The following CREB5 variants were observed in gnomAD, a reference collection of about 807,000 sequenced individuals.
CREB5 encodes cyclic AMP-responsive element-binding protein 5.
Under a neutral mutation model 57.1 loss-of-function variants are expected in CREB5, and 19 were observed. That is an observed-to-expected ratio of 0.33 (90% confidence interval 0.23 to 0.49). The LOEUF (loss-of-function observed/expected upper bound fraction) is 0.49. CREB5 is among the 20% of genes least tolerant of loss of function. The pLI, the probability that CREB5 is intolerant of heterozygous loss-of-function variation, is 0.99. For missense variants in CREB5, 579 were observed against 671.6 expected (o/e 0.86, Z 1.52); for synonymous variants, 238 against 238.3 (o/e 1.00, Z 0.01).
intron 1 of CREB5, among the ~76,000 whole-genome samples, chr7:28,458,480 C>T (rs984109318): frequency 3.3e-5 from 5 of 150,382 alleles, no homozygotes; most frequent in Non-Finnish European, 7.5e-5. Context: ...TAAGAAAAGG[C>T]CTTTTACTAT....
chr7:28,754,471 G>T (rs778350901), intron 7 of CREB5, among the ~76,000 whole-genome samples: 6 of 152,140 alleles, frequency 3.9e-5, no homozygotes, highest in African/African-American at 1.4e-4. Context: ...GGTACCTTCC[G>T]TTTCCTACTG....
chr7:28,405,073 T>C (rs187210829), intron 1 of CREB5, among the ~76,000 whole-genome samples: 3 of 152,366 alleles, frequency 2.0e-5, no homozygotes, highest in Admixed American at 6.5e-5. Flanking sequence ...GCTTGGTAAA[T>C]GTTAGTTAAC....
At chr7:28,771,789 T>C (rs903014306) in intron 7 of CREB5, among the ~76,000 whole-genome samples, 1 of 2,676 alleles carries the variant, frequency 3.7e-4, no homozygotes, top group African/African-American at 1.7e-3. Flanking sequence ...TAGTTCCCCG[T>C]GGGTGGGTGG....
chr7:28,772,524 G>A (rs566187153), intron 7 of CREB5, among the ~76,000 whole-genome samples: 1 of 152,322 alleles, frequency 6.6e-6, no homozygotes, highest in African/African-American at 2.4e-5. Flanking sequence ...ACTGGGTAGT[G>A]CAGGCATGAA....
intron 7 of CREB5, among the ~76,000 whole-genome samples, chr7:28,779,851 C>CT (rs893815753): frequency 6.6e-6 from 1 of 152,168 alleles, no homozygotes; most frequent in African/African-American, 2.4e-5. Flanking sequence ...TCTTTCTTCT[C>CT]TGACACCCAC....
chr7:28,709,179 G>A (rs1408492945), intron 5 of CREB5, among the ~76,000 whole-genome samples: 1 of 152,158 alleles, frequency 6.6e-6, no homozygotes, highest in East Asian at 1.9e-4. Flanking sequence ...GAACTGGGAA[G>A]TTATTGGCTG....
rs142640327 is a variant in CREB5, at chr7:28,494,769, C to T, written c.76-137C>T. The T allele has an allele frequency of 2.6e-4, 155 of 605,462 alleles. No individual in the cohort carries two copies. The East Asian group carries it at 3.0e-3, about 12-fold the overall frequency. The allele number at this position is 605,462 out of a possible 1,614,324, so 37.5% of individuals were successfully genotyped here. On this transcript the variant is annotated intron_variant, in intron 2 of 10. Coordinates refer to ENST00000357727, the MANE Select transcript of CREB5 (RefSeq NM_182898.4). ...ACTTACTCATGCTTTCACACTTTTTCGAAATGTTTTTTTTTTTTTGTTTTG... is the reference window on the plus strand; with the variant it reads ...ACTTACTCATGCTTTCACACTTTTTTGAAATGTTTTTTTTTTTTTGTTTTG...
chr7:28,815,467 G>A lies in CREB5; in HGVS notation c.1255-2604G>A, dbSNP rs115106879. On this transcript the variant is annotated intron_variant, in intron 9 of 10. Transcript: ENST00000357727. The stretch of plus-strand genomic sequence containing the variant: ...TGTTCATAGACTAAATGCCACCAAA[G>A]TCATATACTTTGTATGGGGTTTTGG... Among the ~76,000 whole-genome samples, 586 of 152,286 alleles carry A rather than the reference G, an allele frequency of 3.8e-3. 2 individuals are homozygous for A. The highest frequency in any genetic ancestry group is 0.013 in the African/African-American group (550 of 41,560).
intron 5 of CREB5, among the ~76,000 whole-genome samples, chr7:28,620,190 G>T (rs147689365): frequency 2.8e-4 from 42 of 152,232 alleles, no homozygotes; most frequent in Middle Eastern, 3.4e-3. Context: ...GAAAAACTCA[G>T]AACAAACCAA....
intron 5 of CREB5, among the ~76,000 whole-genome samples, chr7:28,669,756 C>T (rs757335226): frequency 5.3e-5 from 8 of 152,146 alleles, no homozygotes; most frequent in Middle Eastern, 3.2e-3. Context: ...ACTGTTTTAC[C>T]GTAAGCTCTG....
At chr7:28,311,868 T>A (rs1341287287) in intron 1 of CREB5, among the ~76,000 whole-genome samples, 1 of 152,196 alleles carries the variant, frequency 6.6e-6, no homozygotes, top group Admixed American at 6.5e-5. Context: ...CTCTGCCGTC[T>A]GCACTCCTCC....
intron 7 of CREB5, among the ~76,000 whole-genome samples, chr7:28,800,880 T>C (rs1363308690): frequency 2.0e-5 from 3 of 152,232 alleles, no homozygotes; most frequent in Non-Finnish European, 4.4e-5. Flanking sequence ...CATTTCTCTC[T>C]TTGGCAAAGT....
chr7:28,531,936 G>A lies in CREB5; in HGVS notation c.291+24199G>A, dbSNP rs149872928. On this transcript the variant is annotated intron_variant, in intron 4 of 10. Coordinates refer to ENST00000357727, the MANE Select transcript of CREB5 (RefSeq NM_182898.4). The stretch of plus-strand genomic sequence containing the variant: ...CCCAGCTACTCGGGAGGCTGAGGTA[G>A]GAGAATCGTTTGAACCCAGGAGGCG... 4.8e-3 allele frequency among the ~76,000 whole-genome samples: 727 copies of A among 152,336 alleles called. 1 individual carries two copies. Among genetic ancestry groups the A allele is most frequent in the Non-Finnish European group, 8.1e-3 (552 of 68,022 alleles).
At chr7:28,316,709 C>T (rs1190368569) in intron 1 of CREB5, among the ~76,000 whole-genome samples, 1 of 152,028 alleles carries the variant, frequency 6.6e-6, no homozygotes, top group East Asian at 1.9e-4. Context: ...GAGTTACATC[C>T]TATTTTCTAG....
At chr7:28,763,711 C>G (rs1805789726) in intron 7 of CREB5, among the ~76,000 whole-genome samples, 1 of 152,052 alleles carries the variant, frequency 6.6e-6, no homozygotes, top group Non-Finnish European at 1.5e-5. Flanking sequence ...TGATTTATAA[C>G]AGATATTTTT....
At chr7:28,485,573 C>A (rs1215254751) in intron 1 of CREB5, among the ~76,000 whole-genome samples, 1 of 152,034 alleles carries the variant, frequency 6.6e-6, no homozygotes, top group Admixed American at 6.6e-5. Flanking sequence ...ATCTACCAGG[C>A]CCCATAGCCA....
intron 3 of CREB5, among the ~76,000 whole-genome samples, chr7:28,496,039 C>A (rs1583537904): frequency 1.4e-5 from 1 of 68,966 alleles, no homozygotes; most frequent in East Asian, 2.4e-4. Flanking sequence ...CTGGCCATGA[C>A]CTTGAGTACT....
chr7:28,364,406 T>C (rs1416706508), intron 1 of CREB5, among the ~76,000 whole-genome samples: 1 of 152,234 alleles, frequency 6.6e-6, no homozygotes, highest in East Asian at 1.9e-4. Flanking sequence ...CTATTGCTTT[T>C]TCTATCAGTG....
chr7:28,767,390 T>C (rs1448332583), intron 7 of CREB5, among the ~76,000 whole-genome samples: 1 of 152,212 alleles, frequency 6.6e-6, no homozygotes, highest in African/African-American at 2.4e-5. Context: ...AGTTGATATA[T>C]TCATGACATT....
Sources: allele counts gnomAD v4.1 joint callset (sites outside exome capture counted in the v4.1 genomes callset), GRCh38; gene constraint gnomAD v4.1.1; transcripts MANE v1.5; gene names NCBI Gene and HGNC (gene_info 2026-07-23, HGNC 2026-07-21).